ADGRL4: variants seen among roughly 807,000 people sequenced by gnomAD.
ADGRL4 encodes the protein adhesion G protein-coupled receptor L4.
A neutral mutation model predicts 74.8 loss-of-function variants in ADGRL4; 90 were observed. The observed-to-expected ratio is 1.20, with a 90% confidence interval of 1.02 to 1.43. ADGRL4 has a LOEUF of 1.43. Ranked by LOEUF, ADGRL4 falls within the 40% of genes most tolerant of loss-of-function variation. The probability of loss-of-function intolerance (pLI) is 0.00; values close to 1 mark genes in which losing one functional copy is unlikely to be tolerated. For synonymous variants in ADGRL4, 311 were observed against 279.2 expected, an observed-to-expected ratio of 1.11 and a Z score of -1.14; for missense variants, 881 against 814.3, an observed-to-expected ratio of 1.08 and a Z score of -1.00.
chr1:78,952,371 G>A (rs983466466), intron 2 of ADGRL4, among the ~76,000 whole-genome samples: 3 of 134,720 alleles, frequency 2.2e-5, no homozygotes, highest in African/African-American at 8.1e-5. Context: ...TGCAGCTGCT[G>A]GGCTCATTTG....
intron 12 of ADGRL4, among the ~76,000 whole-genome samples, chr1:78,915,716 C>A (rs78002144): frequency 6.6e-6 from 1 of 151,780 alleles, no homozygotes; most frequent in African/African-American, 2.4e-5. Context: ...TGTTCAATAT[C>A]TCTTTGACTT....
chr1:78,942,834 A>G (rs1478376568), intron 3 of ADGRL4, among the ~76,000 whole-genome samples: 1 of 152,024 alleles, frequency 6.6e-6, no homozygotes, highest in African/African-American at 2.4e-5. Flanking sequence ...GGAAGCTGAT[A>G]CAGAAAGATC....
intron 8 of ADGRL4, among the ~76,000 whole-genome samples, chr1:78,923,273 T>C (rs1316577308): frequency 6.6e-6 from 1 of 152,020 alleles, no homozygotes; most frequent in African/African-American, 2.4e-5. Flanking sequence ...TGGTCTCCCA[T>C]CATGCCCTAC....
At chr1:78,978,447 T>A (rs1471580585) in intron 2 of ADGRL4, among the ~76,000 whole-genome samples, 1 of 151,946 alleles carries the variant, frequency 6.6e-6, no homozygotes, top group East Asian at 1.9e-4. Flanking sequence ...AAAGCCACAA[T>A]TTCCAGGTAA....
At chr1:78,943,030 A>G (rs1005452337) in intron 3 of ADGRL4, among the ~76,000 whole-genome samples, 13 of 152,172 alleles carry the variant, frequency 8.5e-5, no homozygotes, top group African/African-American at 2.2e-4. Flanking sequence ...CTTTCAAAAC[A>G]TGATCATATG....
intron 7 of ADGRL4, among the ~76,000 whole-genome samples, chr1:78,935,532 A>T (rs200053454): frequency 8.8e-5 from 2 of 22,794 alleles, no homozygotes; most frequent in African/African-American, 2.1e-4. Context: ...GCAAAATTAA[A>T]AAAAAAAAAA....
intron 2 of ADGRL4, among the ~76,000 whole-genome samples, chr1:78,977,319 T>A (rs1037725773): frequency 2.0e-5 from 3 of 151,772 alleles, no homozygotes; most frequent in Non-Finnish European, 4.4e-5. Flanking sequence ...CAGGTAATAG[T>A]GAAAATTGAA....
chr1:78,988,217 C>A (rs546086136), intron 2 of ADGRL4, among the ~76,000 whole-genome samples: 40 of 151,550 alleles, frequency 2.6e-4, no homozygotes, highest in Non-Finnish European at 1.0e-4. Flanking sequence ...AGTTGATGAT[C>A]AGCTTTTTGA....
chr1:78,891,075 A>C lies in ADGRL4; in HGVS notation c.*79T>G. The C allele has an allele frequency of 7.4e-7, 1 of 1,359,580 alleles. No homozygotes were observed. Among genetic ancestry groups the C allele is most frequent in the Non-Finnish European group, 1.1e-6 (1 of 950,810 alleles). 84.2% of individuals were successfully genotyped at this position (1,359,580 alleles called of 1,614,324 possible). A position where few individuals can be genotyped will look rare whatever the true frequency, so the allele number is the denominator to read the frequency against. On this transcript the variant is annotated 3_prime_UTR_variant, in exon 15 of 15. Coordinates refer to ENST00000370742, the MANE Select transcript of ADGRL4 (RefSeq NM_022159.4). ...TAGTTAATAATTGGATAATTTGATG[A>C]GTCATTTTTATACATTGGTCATCCA...
chr1:78,949,917 A>G (rs1016704276), intron 2 of ADGRL4, among the ~76,000 whole-genome samples: 5 of 152,200 alleles, frequency 3.3e-5, no homozygotes, highest in African/African-American at 1.2e-4. Context: ...CTGATAAAAA[A>G]TTCTTCCTCG....
intron 2 of ADGRL4, among the ~76,000 whole-genome samples, chr1:78,974,737 T>C (rs555328930): frequency 6.6e-6 from 1 of 152,278 alleles, no homozygotes; most frequent in East Asian, 1.9e-4. Context: ...CCTTCCACTT[T>C]CAAAGCCAGA....
At chr1:78,971,832 C>T (rs538651589) in intron 2 of ADGRL4, among the ~76,000 whole-genome samples, 24 of 152,292 alleles carry the variant, frequency 1.6e-4, no homozygotes, top group East Asian at 9.7e-4. Flanking sequence ...TCTCAGCCCA[C>T]GGCAACCTCC....
chr1:78,974,609 GT>G (rs1308630182), intron 2 of ADGRL4, among the ~76,000 whole-genome samples: 8 of 152,118 alleles, frequency 5.3e-5, no homozygotes, highest in Admixed American at 3.9e-4. Context: ...ACCAAAATGT[GT>G]TACACTGGGC....
chr1:78,989,834 G>A (rs888614942), intron 2 of ADGRL4, among the ~76,000 whole-genome samples: 3 of 151,852 alleles, frequency 2.0e-5, no homozygotes, highest in Non-Finnish European at 4.4e-5. Flanking sequence ...TCCTTTAATT[G>A]TATTTTCGTC....
At chr1:78,901,129 T>C (rs994808398) in intron 12 of ADGRL4, among the ~76,000 whole-genome samples, 1 of 152,310 alleles carries the variant, frequency 6.6e-6, no homozygotes, top group Non-Finnish European at 1.5e-5. Context: ...ATATTAATAT[T>C]AATTCCATGC....
chr1:78,906,051 A>C (rs1198018433), intron 12 of ADGRL4, among the ~76,000 whole-genome samples: 1 of 152,004 alleles, frequency 6.6e-6, no homozygotes, highest in Non-Finnish European at 1.5e-5. Flanking sequence ...GTGGATAGAC[A>C]CAATGGACAA....
At chr1:78,954,684 G>A (rs148599778) in intron 2 of ADGRL4, among the ~76,000 whole-genome samples, 2,189 of 152,142 alleles carry the variant, frequency 0.014, 54 homozygotes, top group African/African-American at 0.05. Context: ...TAAGATTAAA[G>A]TTATTAAAAG....
rs150801612 is a variant in ADGRL4, at chr1:78,936,398, G to C, written c.774C>G (p.Phe258Leu). The change falls in exon 7 of 15, where the codon TTC (phenylalanine) becomes TTG (leucine). Residue 258 changes from phenylalanine to leucine, a missense_variant. Coordinates refer to ENST00000370742, the MANE Select transcript of ADGRL4 (RefSeq NM_022159.4). The part of the protein sequence containing the change: ...TNSTDIALKV[F>L]FFDSYNMKHI... ...GTTTCATGTTATATGAATCAAAAAA[G>C]AAAACTTTGAGAGCTGAAACAAAAC... The C allele has an allele frequency of 6.4e-7, 1 of 1,566,342 alleles. No homozygotes were observed. The highest frequency in any genetic ancestry group is 8.6e-7 in the Non-Finnish European group (1 of 1,163,642).
At chr1:78,932,584 T>C (rs1367373732) in intron 7 of ADGRL4, among the ~76,000 whole-genome samples, 1 of 131,814 alleles carries the variant, frequency 7.6e-6, no homozygotes, top group African/African-American at 3.0e-5. Flanking sequence ...AGAGCAGAGT[T>C]GAGGGAGATA....
Sources: gnomAD v4.1 joint callset for allele counts (sites outside exome capture counted in the v4.1 genomes callset) on GRCh38, gnomAD v4.1.1 for gene constraint, MANE v1.5 for transcripts, NCBI Gene and HGNC (gene_info 2026-07-23, HGNC 2026-07-21) for gene names.